Variants in AUTS2 observed in about 807,000 individuals in gnomAD.
AUTS2 encodes the protein activator of transcription and developmental regulator AUTS2.
Under a neutral mutation model 112.4 loss-of-function variants are expected in AUTS2, and 17 were observed. That is an observed-to-expected ratio of 0.15 (90% CI 0.10 to 0.23). The LOEUF is 0.23. Ranked by LOEUF, AUTS2 falls within the 10% of genes least tolerant of loss-of-function variation. AUTS2 has a pLI of 1.00. For missense variants in AUTS2, 1,510 were observed against 1,701.6 expected (o/e 0.89, Z 1.98); for synonymous variants, 751 against 702.7 (o/e 1.07, Z -1.09).
chr7:70,057,672 A>G (rs1284308425), intron 2 of AUTS2, among the ~76,000 whole-genome samples: 1 of 152,160 alleles, frequency 6.6e-6, no homozygotes, highest in African/African-American at 2.4e-5. Flanking sequence ...ATCTCTTATC[A>G]AAGCTCTCCA....
intron 2 of AUTS2, among the ~76,000 whole-genome samples, chr7:70,095,227 A>G (rs901918713): frequency 8.5e-5 from 13 of 152,156 alleles, no homozygotes; most frequent in Non-Finnish European, 1.9e-4. Flanking sequence ...AATCACTAAT[A>G]AACTTGAGAG....
chr7:70,319,659 G>A (rs1301085932), intron 4 of AUTS2, among the ~76,000 whole-genome samples: 1 of 152,166 alleles, frequency 6.6e-6, no homozygotes, highest in Non-Finnish European at 1.5e-5. Flanking sequence ...TATTTTCTCA[G>A]TCTTTATTGA....
intron 5 of AUTS2, among the ~76,000 whole-genome samples, chr7:70,527,200 G>C (rs902461045): frequency 8.5e-5 from 13 of 152,178 alleles, no homozygotes; most frequent in African/African-American, 2.9e-4. Flanking sequence ...ATGACATGCT[G>C]ATTTAAAACA....
At chr7:70,472,141 A>C (rs1286818292) in intron 5 of AUTS2, among the ~76,000 whole-genome samples, 1 of 152,142 alleles carries the variant, frequency 6.6e-6, no homozygotes, top group Admixed American at 6.5e-5. Flanking sequence ...TTACATTGTC[A>C]CTGTGCTACT....
chr7:69,875,416 A>T (rs1271836028), intron 1 of AUTS2, among the ~76,000 whole-genome samples: 1 of 152,218 alleles, frequency 6.6e-6, no homozygotes, highest in Non-Finnish European at 1.5e-5. Context: ...TATCTGAGCC[A>T]GATTGCAAAT....
chr7:70,472,382 T>C (rs1267105130), intron 5 of AUTS2, among the ~76,000 whole-genome samples: 13 of 151,196 alleles, frequency 8.6e-5, no homozygotes, highest in East Asian at 1.9e-4. Flanking sequence ...TTTTTTTTTT[T>C]CCCAGTACCG....
At chr7:70,406,526 T>G in intron 4 of AUTS2, among the ~76,000 whole-genome samples, 1 of 152,222 alleles carries the variant, frequency 6.6e-6, no homozygotes, top group East Asian at 1.9e-4. Context: ...TTACATCTGT[T>G]GAGAAGAACA....
chr7:70,006,810 A>AT (rs1363870684), intron 2 of AUTS2, among the ~76,000 whole-genome samples: 1 of 152,150 alleles, frequency 6.6e-6, no homozygotes, highest in East Asian at 1.9e-4. Flanking sequence ...CTCATGGGAA[A>AT]TGCTGTGCAC....
chr7:69,989,387 T>G (rs1375958627), intron 2 of AUTS2, among the ~76,000 whole-genome samples: 1 of 152,148 alleles, frequency 6.6e-6, no homozygotes, highest in Non-Finnish European at 1.5e-5. Context: ...AATTCTAGAT[T>G]AGGTAGAAAG....
intron 4 of AUTS2, among the ~76,000 whole-genome samples, chr7:70,416,097 G>T (rs1179265873): frequency 2.6e-5 from 4 of 152,164 alleles, no homozygotes; most frequent in Non-Finnish European, 5.9e-5. Context: ...GTGCTGGCAT[G>T]CAGGTGTGTT....
rs762204370 is a variant in AUTS2, at chr7:70,775,307, A to G, written c.1903-50A>G. ...GCACTACAAATTTGTTAATTAGAGC[A>G]ATTGTTTGAGTGACAGGCATGTAAC... is the stretch of plus-strand genomic sequence containing the variant. On this transcript the variant is annotated intron_variant, in intron 12 of 18. Transcript: ENST00000342771. 2.6e-6 allele frequency: 4 copies of G among 1,540,096 alleles called. No homozygotes were observed. The East Asian group carries it at 9.0e-5, about 35-fold the overall frequency.
chr7:70,756,809 A>C (rs1370690388), intron 6 of AUTS2, among the ~76,000 whole-genome samples: 1 of 152,262 alleles, frequency 6.6e-6, no homozygotes, highest in Non-Finnish European at 1.5e-5. Context: ...CAGTCCCTGC[A>C]TTCCTGGAAA....
At chr7:70,121,071 A>G (rs1805656319) in intron 3 of AUTS2, among the ~76,000 whole-genome samples, 2 of 152,194 alleles carry the variant, frequency 1.3e-5, no homozygotes, top group African/African-American at 4.8e-5. Context: ...GAGTTTTAAC[A>G]AGAGTGCCAA....
intron 5 of AUTS2, among the ~76,000 whole-genome samples, chr7:70,562,956 C>T (rs181331874): frequency 9.9e-5 from 15 of 152,152 alleles, no homozygotes; most frequent in East Asian, 1.9e-4. Flanking sequence ...CTTTTTGCAA[C>T]GCAGGATTTA....
chr7:69,922,606 C>G (rs1423477787), intron 2 of AUTS2, among the ~76,000 whole-genome samples: 1 of 152,202 alleles, frequency 6.6e-6, no homozygotes, highest in Non-Finnish European at 1.5e-5. Context: ...GTAGCCAACT[C>G]AGAAACTCTC....
chr7:70,188,819 C>T (rs1359739205), intron 4 of AUTS2, among the ~76,000 whole-genome samples: 5 of 148,676 alleles, frequency 3.4e-5, no homozygotes, highest in Non-Finnish European at 5.9e-5. Flanking sequence ...TGCGCTCTGT[C>T]GCCCAGGCTG....
intron 2 of AUTS2, among the ~76,000 whole-genome samples, chr7:70,023,064 C>CA (rs1800345905): frequency 6.6e-6 from 1 of 152,076 alleles, no homozygotes; most frequent in Admixed American, 6.5e-5. Context: ...AGGCTTGTCT[C>CA]AAACTCCTGG....
intron 5 of AUTS2, among the ~76,000 whole-genome samples, chr7:70,680,849 G>C (rs946259848): frequency 6.6e-6 from 1 of 152,150 alleles, no homozygotes; most frequent in Admixed American, 6.5e-5. Context: ...TTCTTTCCCA[G>C]CAGCACAACC....
At chr7:70,343,652 T>C (rs1391627038) in intron 4 of AUTS2, among the ~76,000 whole-genome samples, 4 of 152,166 alleles carry the variant, frequency 2.6e-5, no homozygotes, top group Non-Finnish European at 5.9e-5. Context: ...TAAGGGAAAT[T>C]TTATGGATAT....
Sources: allele counts gnomAD v4.1 joint callset (sites outside exome capture counted in the v4.1 genomes callset), GRCh38; gene constraint gnomAD v4.1.1; transcripts MANE v1.5; gene names NCBI Gene and HGNC (gene_info 2026-07-23, HGNC 2026-07-21).